TF: variants seen among roughly 807,000 people sequenced by gnomAD.
TF encodes transferrin.
A neutral mutation model predicts 82.4 loss-of-function variants in TF; 55 were observed. The observed-to-expected ratio is 0.67, with a 90% CI of 0.54 to 0.84. The LOEUF is 0.84. Among genes scored for constraint, TF ranks in the 40% least tolerant of loss-of-function variants. The probability of loss-of-function intolerance (pLI) is 0.00; values close to 1 mark genes in which losing one functional copy is unlikely to be tolerated. For missense variants in TF, 737 were observed against 868.4 expected, an observed-to-expected ratio of 0.85 and a Z score of 1.90; for synonymous variants, 332 against 332.6, an observed-to-expected ratio of 1.00 and a Z score of 0.02.
intron 4 of TF, 114 bp from the exon 5 acceptor site, chr3:133,755,249 T>C: frequency 7.4e-7 from 1 of 1,349,486 alleles, no homozygotes; most frequent in African/African-American, 1.4e-5. Context: ...TGGGGCTGCA[T>C]GTGCTGGTTT....
At chr3:133,749,326 T>C (rs1260988511) in intron 2 of TF, among the ~76,000 whole-genome samples, 1 of 152,210 alleles carries the variant, frequency 6.6e-6, no homozygotes, top group African/African-American at 2.4e-5. Context: ...TCTACAAAAA[T>C]GCTCTTCATT....
the TF span, among the ~76,000 whole-genome samples, chr3:133,714,761 A>T: frequency 6.6e-6 from 1 of 151,808 alleles, no homozygotes; most frequent in South Asian, 2.1e-4. Flanking sequence ...CGGCTCAATG[A>T]AACCTCCGCC....
Position 133,753,635 on chromosome 3 carries a change from T to C in TF, c.257T>C (p.Val86Ala), listed in dbSNP as rs1351667152. Reference sequence around the variant, plus strand: ...GCTGTGACACTGGATGCAGGTTTGGTGTATGATGCTTACCTGGCTCCCAAT... The same window carrying C: ...GCTGTGACACTGGATGCAGGTTTGGCGTATGATGCTTACCTGGCTCCCAAT... ...ADAVTLDAGLVYDAYLAPNNL... is the reference protein window; with the variant it reads ...ADAVTLDAGLAYDAYLAPNNL... Residue 86 changes from valine to alanine, a missense_variant, in exon 3 of 17, where the codon GTG becomes GCG. Physicochemically the swap from Val to Ala is moderately conservative, Grantham distance 64. Coordinates refer to ENST00000402696, the MANE Select transcript of TF (RefSeq NM_001063.4). The C allele has an allele frequency of 1.2e-6, 2 of 1,614,152 alleles. No homozygotes were observed. The highest frequency in any genetic ancestry group is 4.5e-5 in the East Asian group (2 of 44,880).
the TF span, among the ~76,000 whole-genome samples, chr3:133,723,584 T>A: frequency 6.7e-6 from 1 of 149,098 alleles, no homozygotes; most frequent in Non-Finnish European, 1.5e-5. Flanking sequence ...CTTAATTGTA[T>A]TATTTTATTT....
the TF span, among the ~76,000 whole-genome samples, chr3:133,726,034 G>T: frequency 4.8e-4 from 73 of 152,212 alleles, no homozygotes; most frequent in African/African-American, 1.6e-3. Flanking sequence ...ATAAGCTTTT[G>T]GACGTGCTGC....
At chr3:133,734,457 C>T in the TF span, among the ~76,000 whole-genome samples, 74 of 152,196 alleles carry the variant, frequency 4.9e-4, no homozygotes, top group African/African-American at 1.8e-3. Context: ...GGAAATGCCT[C>T]CAATTGGCCA....
chr3:133,709,084 G>T, the TF span, among the ~76,000 whole-genome samples: 1 of 152,308 alleles, frequency 6.6e-6, no homozygotes, highest in African/African-American at 2.4e-5. Context: ...TAGGAAGCCA[G>T]AATTGATAGT....
At chr3:133,702,778 C>T in the TF span, among the ~76,000 whole-genome samples, 2 of 152,048 alleles carry the variant, frequency 1.3e-5, no homozygotes, top group Non-Finnish European at 2.9e-5. Context: ...GAAGGCTATG[C>T]AACCATTTCA....
At chr3:133,727,219 T>G in the TF span, among the ~76,000 whole-genome samples, 4 of 152,156 alleles carry the variant, frequency 2.6e-5, no homozygotes, top group Non-Finnish European at 5.9e-5. Flanking sequence ...TTGTTAACTT[T>G]CTGTCTCATT....
the TF span, among the ~76,000 whole-genome samples, chr3:133,684,941 T>C: frequency 6.6e-6 from 1 of 152,186 alleles, no homozygotes; most frequent in Non-Finnish European, 1.5e-5. Context: ...TGAACATCGA[T>C]GCAAAAATCC....
chr3:133,786,885 G>C lies in TF; in HGVS notation c.*8265G>C, dbSNP rs1378621671. The C allele has an allele frequency of 6.6e-6, 1 of 152,230 alleles. No individual in the cohort carries two copies. The highest frequency in any genetic ancestry group is 2.4e-5 in the African/African-American group (1 of 41,464). 9.4% of individuals were successfully genotyped at this position (152,230 alleles called of 1,614,324 possible). On this transcript the variant is annotated 3_prime_UTR_variant, in exon 17 of 17. Coordinates refer to ENST00000402696, the MANE Select transcript of TF (RefSeq NM_001063.4). ...TTCAGAATTGCCTGATGTATGTTAA[G>C]TGTAGAGGTAGTAAAATATCACCTT...
chr3:133,740,577 C>T, the TF span, among the ~76,000 whole-genome samples: 549 of 152,238 alleles, frequency 3.6e-3, 2 homozygotes, highest in African/African-American at 0.012. Flanking sequence ...GTGATCCTCC[C>T]GCCTTGGCTT....
At position 133,756,823 on chromosome 3, in the gene TF, C is replaced by T; in HGVS notation, c.692-8C>T. 1 of 1,614,196 alleles carries T rather than the reference C, an allele frequency of 6.2e-7. No individual in the cohort carries two copies. Among genetic ancestry groups the T allele is most frequent in the East Asian group, 2.2e-5 (1 of 44,878 alleles). On this transcript the variant is annotated splice_polypyrimidine_tract_variant and splice_region_variant and intron_variant, in intron 6 of 16. Transcript: ENST00000402696. ...TGTGTTAAGCTCACCTGGGCTTTCC[C>T]TCCCCAGAGAACTTGGCAAACAAGG...
upstream of TF, among the ~76,000 whole-genome samples, chr3:133,741,562 T>C (rs1336894703): frequency 6.6e-6 from 1 of 152,226 alleles, no homozygotes; most frequent in Admixed American, 6.5e-5. Context: ...ATTTTTATGG[T>C]ACACTAATAC....
chr3:133,736,631 C>CAAAAAAGAAAAAAAAAAAAAAAA, the TF span, among the ~76,000 whole-genome samples: 46 of 32,550 alleles, frequency 1.4e-3, 8 homozygotes, highest in Non-Finnish European at 1.9e-3. Context: ...AATGGAAAGC[C>CAAAAAAGAAAAAAAAAAAAAAAA]AAAAAAAAAA....
rs142618357 is a variant in TF, at chr3:133,766,423, C to T, written c.1476C>T (p.His492=). ...GCCTGCTCTACAATAAGATCAACCA[C>T]TGCAGATTTGGTGAGTGAATATTGG... ...PMGLLYNKIN[H]CRFDEFFSEG... is the part of the protein sequence containing the mutation. The change falls in exon 12 of 17, where the codon CAC becomes CAT. Residue 492 remains histidine (H), a synonymous_variant. Coordinates refer to ENST00000402696, the MANE Select transcript of TF (RefSeq NM_001063.4). 9 of 1,614,182 alleles carry T rather than the reference C, an allele frequency of 5.6e-6. No individual in the cohort carries two copies. In the African/African-American group the frequency reaches 6.7e-5, roughly 12 times the overall value.
In TF at chr3:133,756,813, T is replaced by A. The variant is rs760688342; in HGVS notation, c.692-18T>A. 2.9e-5 allele frequency: 47 copies of A among 1,614,080 alleles called. No homozygotes were observed. The highest frequency in any genetic ancestry group is 3.8e-5 in the Non-Finnish European group (45 of 1,180,030). On this transcript the variant is annotated intron_variant, in intron 6 of 16. Coordinates refer to ENST00000402696, the MANE Select transcript of TF (RefSeq NM_001063.4). ...ATGGCTCTCCTGTGTTAAGCTCACC[T>A]GGGCTTTCCCTCCCCAGAGAACTTG...
Position 133,790,238 on chromosome 3 carries a change from T to C in TF, c.*11618T>C, listed in dbSNP as rs1934798465. 1 of 152,182 alleles carries C rather than the reference T, an allele frequency of 6.6e-6. No homozygotes were observed. Among genetic ancestry groups the C allele is most frequent in the Non-Finnish European group, 1.5e-5 (1 of 68,028 alleles). The allele number at this position is 152,182 out of a possible 1,614,324, so 9.4% of individuals were successfully genotyped here. A position where few individuals can be genotyped will look rare whatever the true frequency, so the allele number is the denominator to read the frequency against. ...TTAGAAAGGTTGTGATATGGGGAAA[T>C]ATGTTTCTAAAATTGTGGAATTGTT... On this transcript the variant is annotated 3_prime_UTR_variant, in exon 17 of 17. Transcript: ENST00000402696.
chr3:133,707,756 T>C, the TF span: 1 of 152,240 alleles, frequency 6.6e-6, no homozygotes, highest in Non-Finnish European at 1.5e-5. Flanking sequence ...ATGATTCTTT[T>C]CAGTTTGCAG....
Sources: gnomAD v4.1 joint callset for allele counts (sites outside exome capture counted in the v4.1 genomes callset) on GRCh38, gnomAD v4.1.1 for gene constraint, MANE v1.5 for transcripts, NCBI Gene and HGNC (gene_info 2026-07-23, HGNC 2026-07-21) for gene names.